PAPPA2: variants seen among roughly 807,000 people sequenced by gnomAD.
PAPPA2 encodes pappalysin 2, also known as pappalysin-2.
In PAPPA2, 86 loss-of-function variants were observed where a neutral mutation model predicts 176.4. That is an observed-to-expected ratio of 0.49 (90% confidence interval 0.41 to 0.58). The LOEUF (loss-of-function observed/expected upper bound fraction) is 0.58. Among genes scored for constraint, PAPPA2 ranks in the 20% least tolerant of loss-of-function variants. PAPPA2 has a pLI of 0.00. For synonymous variants in PAPPA2, 809 were observed against 852.2 expected (o/e 0.95, Z 0.88); for missense variants, 2,073 against 2,256.9 (o/e 0.92, Z 1.65).
At chr1:176,561,498 T>C (rs1038880474) in intron 2 of PAPPA2, among the ~76,000 whole-genome samples, 4 of 152,198 alleles carry the variant, frequency 2.6e-5, no homozygotes, top group Non-Finnish European at 5.9e-5. Context: ...GTTTGCTAGA[T>C]TGTAAAATGA....
chr1:176,477,083 A>G (rs758503100), intron 1 of PAPPA2, among the ~76,000 whole-genome samples: 2 of 152,216 alleles, frequency 1.3e-5, no homozygotes, highest in Non-Finnish European at 2.9e-5. Context: ...GAAGCCTTTC[A>G]ATCTCATCTA....
chr1:176,562,014 A>G (rs995797996), intron 2 of PAPPA2, among the ~76,000 whole-genome samples: 16 of 152,142 alleles, frequency 1.1e-4, no homozygotes, highest in African/African-American at 3.9e-4. Flanking sequence ...CAGCACAGAA[A>G]AACCCACCCC....
At chr1:176,707,809 T>A (rs926275662) in intron 10 of PAPPA2, among the ~76,000 whole-genome samples, 4 of 152,172 alleles carry the variant, frequency 2.6e-5, no homozygotes, top group Non-Finnish European at 5.9e-5. Flanking sequence ...ATATATTTTT[T>A]TCTGTTTTAT....
At chr1:176,720,202 A>G (rs1433094873) in intron 12 of PAPPA2, among the ~76,000 whole-genome samples, 1 of 152,084 alleles carries the variant, frequency 6.6e-6, no homozygotes, top group Non-Finnish European at 1.5e-5. Context: ...TTTTAGGTGA[A>G]TTATCTCTTT....
intron 1 of PAPPA2, among the ~76,000 whole-genome samples, chr1:176,475,477 C>T (rs942266914): frequency 6.6e-6 from 1 of 152,184 alleles, no homozygotes; most frequent in Non-Finnish European, 1.5e-5. Flanking sequence ...GAGAGGGCTA[C>T]CTCCTTTAGT....
intron 21 of PAPPA2, among the ~76,000 whole-genome samples, chr1:176,839,476 G>C (rs1005514688): frequency 3.9e-5 from 6 of 152,104 alleles, no homozygotes; most frequent in African/African-American, 1.4e-4. Context: ...CTCTAACCCT[G>C]TATCTAGTTT....
rs1295930254 is a variant in PAPPA2, at chr1:176,672,538, G to A, written c.2137+1423G>A. ...AAAAGATAACCAGTGTTGTAGATTG[G>A]GGAAGGAGGAAGATGAGCAATGTGT... On this transcript the variant is annotated intron_variant, in intron 4 of 22. Transcript: ENST00000367662. 2.6e-5 allele frequency among the ~76,000 whole-genome samples: 4 copies of A among 151,982 alleles called. No individual in the cohort carries two copies. The East Asian group carries it at 7.7e-4, about 29-fold the overall frequency.
At chr1:176,829,454 G>A (rs531222884) in intron 21 of PAPPA2, among the ~76,000 whole-genome samples, 6 of 152,306 alleles carry the variant, frequency 3.9e-5, no homozygotes, top group South Asian at 4.1e-4. Context: ...GCCTGCATGC[G>A]GTGAACAGGC....
intron 2 of PAPPA2, among the ~76,000 whole-genome samples, chr1:176,585,021 A>G (rs1653224237): frequency 6.6e-6 from 1 of 152,222 alleles, no homozygotes; most frequent in Admixed American, 6.5e-5. Context: ...TACAGGCGTG[A>G]GCCACTGCAC....
intron 21 of PAPPA2, among the ~76,000 whole-genome samples, chr1:176,829,939 A>G (rs1667020174): frequency 6.6e-6 from 1 of 152,220 alleles, no homozygotes; most frequent in Non-Finnish European, 1.5e-5. Context: ...ATTCATCTGT[A>G]GTCTTAAGTT....
chr1:176,800,645 A>G (rs975874946), intron 21 of PAPPA2, among the ~76,000 whole-genome samples: 1 of 152,206 alleles, frequency 6.6e-6, no homozygotes, highest in Non-Finnish European at 1.5e-5. Context: ...TTTCTCTTGA[A>G]AAACAAGACT....
chr1:176,799,743 A>AT (rs1355156521), intron 20 of PAPPA2, among the ~76,000 whole-genome samples: 2 of 152,246 alleles, frequency 1.3e-5, no homozygotes, highest in Admixed American at 6.5e-5. Context: ...CTGAAACCAG[A>AT]TGAAACTCAT....
intron 3 of PAPPA2, among the ~76,000 whole-genome samples, chr1:176,620,503 T>A (rs1655524231): frequency 6.6e-6 from 1 of 152,210 alleles, no homozygotes; most frequent in African/African-American, 2.4e-5. Flanking sequence ...TATACTTTCT[T>A]AATCAAGAAC....
At chr1:176,833,476 A>G (rs538544284) in intron 21 of PAPPA2, among the ~76,000 whole-genome samples, 4 of 152,312 alleles carry the variant, frequency 2.6e-5, no homozygotes, top group African/African-American at 9.6e-5. Flanking sequence ...TTAAAACCCA[A>G]CCACTTGATC....
At chr1:176,700,719 C>A (rs1660615292) in intron 8 of PAPPA2, among the ~76,000 whole-genome samples, 1 of 152,156 alleles carries the variant, frequency 6.6e-6, no homozygotes, top group South Asian at 2.1e-4. Flanking sequence ...AGTCACACAG[C>A]AATTTTAGAC....
chr1:176,600,631 G>A (rs1464876160), intron 3 of PAPPA2, among the ~76,000 whole-genome samples: 3 of 140,940 alleles, frequency 2.1e-5, no homozygotes, highest in Admixed American at 7.3e-5. Flanking sequence ...AGCCGAGATC[G>A]CGCCACTGCA....
chr1:176,715,660 G>A (rs1376452766), intron 12 of PAPPA2, among the ~76,000 whole-genome samples: 1 of 152,116 alleles, frequency 6.6e-6, no homozygotes, highest in South Asian at 2.1e-4. Flanking sequence ...ACCCCTGTGG[G>A]GATCACCGTC....
chr1:176,825,026 A>G (rs771781925), intron 21 of PAPPA2, among the ~76,000 whole-genome samples: 17 of 152,080 alleles, frequency 1.1e-4, no homozygotes, highest in Non-Finnish European at 2.4e-4. Context: ...GCCCAGCCTG[A>G]GCGCCAACCC....
At chr1:176,548,098 T>C (rs1650738603) in intron 1 of PAPPA2, among the ~76,000 whole-genome samples, 1 of 152,166 alleles carries the variant, frequency 6.6e-6, no homozygotes, top group African/African-American at 2.4e-5. Context: ...TAGATGAAAA[T>C]GAAATATTTT....
Sources: gnomAD v4.1 joint callset for allele counts (sites outside exome capture counted in the v4.1 genomes callset) on GRCh38, gnomAD v4.1.1 for gene constraint, MANE v1.5 for transcripts, NCBI Gene and HGNC (gene_info 2026-07-23, HGNC 2026-07-21) for gene names.